CCDC57: variants seen among roughly 807,000 people sequenced by gnomAD.
CCDC57 encodes coiled-coil domain-containing protein 57.
Under a neutral mutation model 118.9 loss-of-function variants are expected in CCDC57, and 118 were observed. That is an observed-to-expected ratio of 0.99 (90% confidence interval 0.86 to 1.16). The LOEUF is 1.16. Among genes scored for constraint, CCDC57 ranks in the 50% most tolerant of loss-of-function variants. The pLI, the probability that CCDC57 is intolerant of heterozygous loss-of-function variation, is 0.00. For synonymous variants in CCDC57, 527 were observed against 532.9 expected, an observed-to-expected ratio of 0.99 and a Z score of 0.15; for missense variants, 1,300 against 1,320.7, an observed-to-expected ratio of 0.98 and a Z score of 0.24.
At chr17:82,103,907 C>G (rs1454406422) in intron 19 of CCDC57, among the ~76,000 whole-genome samples, 2 of 152,144 alleles carry the variant, frequency 1.3e-5, no homozygotes, top group African/African-American at 4.8e-5. Context: ...AGAATATCCA[C>G]TTTACAGGCT....
intron 19 of CCDC57, chr17:82,107,559 G>A (rs866342941): frequency 3.2e-5 from 15 of 470,838 alleles, no homozygotes; most frequent in South Asian, 1.9e-4. Flanking sequence ...TGGACCTGGC[G>A]CTCGGCACAC....
chr17:82,136,056 G>A (rs1432336393), intron 16 of CCDC57, among the ~76,000 whole-genome samples: 1 of 152,180 alleles, frequency 6.6e-6, no homozygotes, highest in Non-Finnish European at 1.5e-5. Flanking sequence ...ATGGGAGGCG[G>A]TTTGGTGGCT....
At chr17:82,135,893 T>A (rs1161064050) in intron 16 of CCDC57, among the ~76,000 whole-genome samples, 1 of 152,192 alleles carries the variant, frequency 6.6e-6, no homozygotes, top group Non-Finnish European at 1.5e-5. Context: ...ATCCCACCTC[T>A]ATTTTTAAAA....
intron 19 of CCDC57, among the ~76,000 whole-genome samples, chr17:82,124,526 C>T (rs1424090233): frequency 6.6e-6 from 1 of 152,148 alleles, no homozygotes; most frequent in Non-Finnish European, 1.5e-5. Context: ...GGCACGGTGG[C>T]TCATGCCCGT....
intron 4 of CCDC57, among the ~76,000 whole-genome samples, chr17:82,195,742 T>C (rs971486202): frequency 1.4e-4 from 21 of 151,954 alleles, no homozygotes; most frequent in African/African-American, 4.8e-4. Flanking sequence ...ACCATGAAAC[T>C]GACAAGCACG....
intron 16 of CCDC57, among the ~76,000 whole-genome samples, chr17:82,144,056 AAAAAC>A (rs112574589): frequency 5.6e-4 from 85 of 150,606 alleles, no homozygotes; most frequent in African/African-American, 2.0e-3. Flanking sequence ...ATTCCATCTC[AAAAAC>A]AAAACAAAAC....
Position 82,172,883 on chromosome 17 carries a change from G to A in CCDC57, c.1507-23C>T, listed in dbSNP as rs1488350781. On this transcript the variant is annotated intron_variant, in intron 11 of 19. Transcript: ENST00000665763. This position sits in a 1 kb window ranked among gnomAD's most constrained non-coding sequence, Gnocchi z 5.2. ...CATCTGTCAAATACAAGGAAAAATG[G>A]CTACAAAAAGATGAATGGTTCCCCA... 2 of 1,588,700 alleles carry A rather than the reference G, an allele frequency of 1.3e-6. No homozygotes were observed. The highest frequency in any genetic ancestry group is 2.7e-5 in the African/African-American group (2 of 74,686).
chr17:82,171,902 G>A (rs770136448), intron 12 of CCDC57, 49 bp from the exon 12 acceptor site: 5 of 1,581,166 alleles, frequency 3.2e-6, no homozygotes, highest in East Asian at 2.3e-5. Context: ...GCATCCTTTC[G>A]CACCTCCCTC....
chr17:82,127,897 G>T (rs1184420660), exon 19 of CCDC57: 2 of 1,612,224 alleles, frequency 1.2e-6, no homozygotes, highest in African/African-American at 2.7e-5. Context: ...CCGTGTGGAT[G>T]CTGTGTTGTG....
At chr17:82,184,606 G>A (rs761765868) in intron 8 of CCDC57, among the ~76,000 whole-genome samples, 2 of 152,204 alleles carry the variant, frequency 1.3e-5, no homozygotes, top group Non-Finnish European at 2.9e-5. Flanking sequence ...ATGGGAAGAC[G>A]GCCCACAAGA....
rs145541507 is a variant in CCDC57 at position 82,164,498 on chromosome 17, A to C, written c.1883-1141T>G. 3.4e-3 allele frequency among the ~76,000 whole-genome samples: 517 copies of C among 152,332 alleles called. 3 individuals are homozygous for C. The highest frequency in any genetic ancestry group is 0.012 in the African/African-American group (497 of 41,578). On this transcript the variant is annotated intron_variant, in intron 13 of 19. Coordinates refer to ENST00000665763, the Ensembl canonical transcript of CCDC57. ...TAAATGTATAATAGAGAATCAACAA[A>C]ATCAACAGTTGATTCTTTGAGAAGG...
intron 13 of CCDC57, among the ~76,000 whole-genome samples, chr17:82,170,677 C>G (rs1009528182): frequency 6.6e-6 from 1 of 152,110 alleles, no homozygotes; most frequent in Non-Finnish European, 1.5e-5. Flanking sequence ...AACCTGATCT[C>G]TGACATCCAG....
rs568823606 is a variant in CCDC57 at position 82,150,713 on chromosome 17, G to A, written c.2455+847C>T. Among the ~76,000 whole-genome samples, 12 of 64,026 alleles carry A rather than the reference G, an allele frequency of 1.9e-4. 1 individual carries two copies. The highest frequency in any genetic ancestry group is 2.1e-4 in the Admixed American group (1 of 4,668). The allele number at this position is 64,026 out of a possible 152,430, so 42.0% of individuals were successfully genotyped here. Reference sequence around the variant, plus strand: ...ACCAGGCACACACTCAGAACCAGGCGCACACCTAGAACCTGGCACACACCC... The same window carrying A: ...ACCAGGCACACACTCAGAACCAGGCACACACCTAGAACCTGGCACACACCC... On this transcript the variant is annotated intron_variant, in intron 16 of 19. Coordinates refer to ENST00000665763, the Ensembl canonical transcript of CCDC57.
intron 19 of CCDC57, chr17:82,106,703 GC>G (rs1331674003): frequency 6.6e-6 from 1 of 152,428 alleles, no homozygotes; most frequent in African/African-American, 2.4e-5. Context: ...CTGGCCTCAT[GC>G]CCCTTGGGCC....
chr17:82,191,927 C>T (rs2047710318), intron 7 of CCDC57, among the ~76,000 whole-genome samples: 1 of 151,980 alleles, frequency 6.6e-6, no homozygotes, highest in South Asian at 2.1e-4. Context: ...CTCGGCCTCC[C>T]AAAGTACTAG....
intron 9 of CCDC57, among the ~76,000 whole-genome samples, 189 bp from the exon 9 acceptor site, chr17:82,179,378 C>A (rs1276883701): frequency 1.3e-5 from 2 of 152,172 alleles, no homozygotes; most frequent in African/African-American, 4.8e-5. Context: ...GACGAGCAGG[C>A]GCCAAGGATG....
Position 82,101,880 on chromosome 17 carries a change from A to AG in CCDC57, c.2900-15dup, listed in dbSNP as rs2034473673. On this transcript the variant is annotated splice_polypyrimidine_tract_variant and intron_variant, in intron 19 of 19. Coordinates refer to ENST00000665763, the Ensembl canonical transcript of CCDC57. ...GAGCTGGGAGCTCTGTCAGGTAAAGAGGAAAAAACAGCATGCATCAGGATG... is the reference window on the plus strand; with the variant it reads ...GAGCTGGGAGCTCTGTCAGGTAAAGAGGGAAAAAACAGCATGCATCAGGATG... 8 of 1,556,306 alleles carry AG rather than the reference A, an allele frequency of 5.1e-6. No homozygotes were observed. Among genetic ancestry groups the AG allele is most frequent in the African/African-American group, 4.2e-5 (3 of 72,198 alleles).
At chr17:82,154,947 C>G (rs979482742) in intron 15 of CCDC57, 1 of 152,404 alleles carries the variant, frequency 6.6e-6, no homozygotes, top group Non-Finnish European at 1.5e-5. Flanking sequence ...TTTGGGCACT[C>G]GCCAAGCATC....
chr17:82,117,031 A>G (rs1286924168), intron 19 of CCDC57, among the ~76,000 whole-genome samples: 1 of 152,242 alleles, frequency 6.6e-6, no homozygotes, highest in Non-Finnish European at 1.5e-5. Flanking sequence ...GCCAATTGAT[A>G]GGAAAAATGA....
Sources: gnomAD v4.1 joint callset for allele counts (sites outside exome capture counted in the v4.1 genomes callset) on GRCh38, gnomAD v4.1.1 for gene constraint, Gnocchi (gnomAD v3.1) non-coding constraint, MANE v1.5 for transcripts, NCBI Gene and HGNC (gene_info 2026-07-23, HGNC 2026-07-21) for gene names.